Variants in SYT9 observed in about 807,000 individuals in gnomAD.
The protein encoded by SYT9 is synaptotagmin-9.
Under a neutral mutation model 48.4 loss-of-function variants are expected in SYT9, and 22 were observed. The ratio of observed to expected loss-of-function variants is 0.45; its 90% CI spans 0.32 to 0.65. The LOEUF (loss-of-function observed/expected upper bound fraction) is 0.65, where lower values mean the gene tolerates loss of function less well. SYT9 is among the 30% of genes least tolerant of loss of function. SYT9 has a pLI of 0.03. For synonymous variants in SYT9, 265 were observed against 245.0 expected (o/e 1.08, Z -0.76); for missense variants, 577 against 622.0 (o/e 0.93, Z 0.77).
Position 7,424,693 on chromosome 11 carries a change from G to A in SYT9, c.1467+4058G>A, listed in dbSNP as rs55976094. ...GAATCCGATCAGAATATATAGTCAA[G>A]ATCAGCACTATTATCCTATAGGCAT... On this transcript the variant is annotated intron_variant, in intron 6 of 6. Coordinates refer to ENST00000318881, the MANE Select transcript of SYT9 (RefSeq NM_175733.4). 3.1e-3 allele frequency among the ~76,000 whole-genome samples: 466 copies of A among 152,324 alleles called. 2 individuals are homozygous for A. Among genetic ancestry groups the A allele is most frequent in the Non-Finnish European group, 4.2e-3 (284 of 68,034 alleles).
At chr11:7,440,817 G>T (rs1399662240) in intron 6 of SYT9, 1 of 152,198 alleles carries the variant, frequency 6.6e-6, no homozygotes, top group African/African-American at 2.4e-5. Flanking sequence ...AGACATGGGG[G>T]ACTATGTTGC....
At chr11:7,431,175 G>A (rs550747871) in intron 6 of SYT9, among the ~76,000 whole-genome samples, 1 of 152,286 alleles carries the variant, frequency 6.6e-6, no homozygotes, top group Admixed American at 6.5e-5. Context: ...TGGAAATGAG[G>A]CTCTTATTGG....
intron 3 of SYT9, among the ~76,000 whole-genome samples, chr11:7,402,098 G>C (rs1440414886): frequency 6.6e-6 from 1 of 151,714 alleles, no homozygotes; most frequent in African/African-American, 2.4e-5. Flanking sequence ...TTAATTTGTG[G>C]ATAATTTGGA....
At chr11:7,330,521 A>C (rs901537497) in intron 3 of SYT9, among the ~76,000 whole-genome samples, 1 of 152,182 alleles carries the variant, frequency 6.6e-6, no homozygotes, top group Admixed American at 6.5e-5. Context: ...ATTAAATGAG[A>C]AAAATCTAAT....
chr11:7,418,520 C>G (rs10769789), intron 5 of SYT9, among the ~76,000 whole-genome samples: 78,031 of 152,120 alleles, frequency 0.51, 21,490 homozygotes, highest in Non-Finnish European at 0.61. Context: ...CTCAAAATGG[C>G]AGAATGATTA....
At chr11:7,352,257 A>G (rs1250410481) in intron 3 of SYT9, among the ~76,000 whole-genome samples, 1 of 152,210 alleles carries the variant, frequency 6.6e-6, no homozygotes, top group Admixed American at 6.5e-5. Context: ...ATTAGGTTAG[A>G]ATCTCAGGAG....
chr11:7,462,835 G>C (rs1022109777), intron 6 of SYT9, among the ~76,000 whole-genome samples: 5 of 152,088 alleles, frequency 3.3e-5, no homozygotes, highest in African/African-American at 1.2e-4. Context: ...CCCATTTTCA[G>C]ATTCACAGAG....
At chr11:7,368,426 G>A (rs1048591832) in intron 3 of SYT9, among the ~76,000 whole-genome samples, 6 of 152,104 alleles carry the variant, frequency 3.9e-5, no homozygotes, top group Admixed American at 6.5e-5. Context: ...GTATACATGT[G>A]CTGTGGTGGT....
chr11:7,271,360 G>A (rs1300542850), intron 1 of SYT9, among the ~76,000 whole-genome samples: 6 of 151,986 alleles, frequency 3.9e-5, no homozygotes, highest in Non-Finnish European at 1.5e-5. Context: ...TGTGTACAAT[G>A]GATTGCTATT....
intron 3 of SYT9, among the ~76,000 whole-genome samples, chr11:7,317,135 A>G (rs1849257048): frequency 1.3e-5 from 2 of 152,192 alleles, no homozygotes; most frequent in African/African-American, 4.8e-5. Context: ...TTTCTGTTGT[A>G]AATTAGCGCA....
chr11:7,430,341 T>C (rs992979906), intron 6 of SYT9, among the ~76,000 whole-genome samples: 1 of 152,178 alleles, frequency 6.6e-6, no homozygotes, highest in Non-Finnish European at 1.5e-5. Flanking sequence ...CATTGAGAAA[T>C]TATATAATGC....
At chr11:7,340,246 T>G (rs1163005380) in intron 3 of SYT9, among the ~76,000 whole-genome samples, 1 of 152,236 alleles carries the variant, frequency 6.6e-6, no homozygotes, top group Middle Eastern at 3.2e-3. Context: ...CTATTTTTTC[T>G]ATCAGCTCCT....
rs1257621973 is a variant in SYT9 at position 7,252,674 on chromosome 11, G to A, written c.145+343G>A. Among the ~76,000 whole-genome samples the A allele has an allele frequency of 3.3e-5, 5 of 152,222 alleles. No individual in the cohort carries two copies. Among genetic ancestry groups the A allele is most frequent in the African/African-American group, 1.2e-4 (5 of 41,454 alleles). On this transcript the variant is annotated intron_variant, in intron 1 of 6. Transcript: ENST00000318881. This position sits in a 1 kb window ranked among gnomAD's most constrained non-coding sequence, Gnocchi z 6.3. ...CGGGCTATCTGCACTCAGAGCGAGGGGAGGCCGCGGCGGCCTCGGAGCCGT... is the reference window on the plus strand; with the variant it reads ...CGGGCTATCTGCACTCAGAGCGAGGAGAGGCCGCGGCGGCCTCGGAGCCGT...
chr11:7,321,031 C>G (rs1213433384), intron 3 of SYT9, among the ~76,000 whole-genome samples: 2 of 152,084 alleles, frequency 1.3e-5, no homozygotes, highest in Non-Finnish European at 2.9e-5. Context: ...CTTCAGGAAT[C>G]TCTTTCTTGG....
chr11:7,256,597 G>T (rs963187732), intron 1 of SYT9, among the ~76,000 whole-genome samples: 4 of 152,098 alleles, frequency 2.6e-5, no homozygotes, highest in African/African-American at 9.7e-5. Flanking sequence ...AAATTTTCTA[G>T]GTGTTTTTCA....
chr11:7,431,937 G>A (rs575295689), intron 6 of SYT9, among the ~76,000 whole-genome samples: 9 of 152,358 alleles, frequency 5.9e-5, no homozygotes, highest in African/African-American at 1.9e-4. Context: ...CCCTCCCAGA[G>A]AACCTCTACT....
chr11:7,400,358 T>C (rs1469048710), intron 3 of SYT9, among the ~76,000 whole-genome samples: 2 of 152,176 alleles, frequency 1.3e-5, no homozygotes, highest in Non-Finnish European at 2.9e-5. Flanking sequence ...AGAAAATGCC[T>C]GACCTTACAT....
intron 6 of SYT9, chr11:7,437,503 T>A (rs1319867617): frequency 6.6e-6 from 1 of 152,206 alleles, no homozygotes; most frequent in African/African-American, 2.4e-5. Flanking sequence ...CATTATGGAT[T>A]CAATAAACAC....
intron 6 of SYT9, among the ~76,000 whole-genome samples, chr11:7,437,268 C>T (rs1042144795): frequency 6.6e-6 from 1 of 152,140 alleles, no homozygotes. Flanking sequence ...CAATAAGTCC[C>T]CAGTTCTACA....
Sources: allele counts gnomAD v4.1 joint callset (sites outside exome capture counted in the v4.1 genomes callset), GRCh38; gene constraint gnomAD v4.1.1; non-coding constraint Gnocchi (gnomAD v3.1); transcripts MANE v1.5; gene names NCBI Gene and HGNC (gene_info 2026-07-23, HGNC 2026-07-21).